The following LINGO2 variants were observed in gnomAD, a reference collection of about 807,000 sequenced individuals.
LINGO2 encodes the protein leucine-rich repeat and immunoglobulin-like domain-containing nogo receptor-interacting protein 2.
A neutral mutation model predicts 30.6 loss-of-function variants in LINGO2; 14 were observed. That is an observed-to-expected ratio of 0.46 (90% CI 0.30 to 0.72). The LOEUF (loss-of-function observed/expected upper bound fraction) is 0.72. Ranked by LOEUF, LINGO2 falls within the 30% of genes least tolerant of loss-of-function variation. The pLI, the probability that LINGO2 is intolerant of heterozygous loss-of-function variation, is 0.07. For missense variants in LINGO2, 729 were observed against 751.7 expected, an observed-to-expected ratio of 0.97 and a Z score of 0.35; for synonymous variants, 317 against 288.5, an observed-to-expected ratio of 1.10 and a Z score of -1.00.
chr9:28,282,409 T>C (rs1203365518), intron 4 of LINGO2, among the ~76,000 whole-genome samples: 9 of 147,456 alleles, frequency 6.1e-5, no homozygotes, highest in African/African-American at 1.6e-4. Flanking sequence ...TCTTTCAGGA[T>C]AGTTTTTTTT....
At chr9:28,555,700 C>T (rs1026264332) in intron 1 of LINGO2, among the ~76,000 whole-genome samples, 2 of 151,832 alleles carry the variant, frequency 1.3e-5, no homozygotes, top group Non-Finnish European at 1.5e-5. Flanking sequence ...ACCAAAAAAG[C>T]GAATTTTAGA....
chr9:28,574,196 T>C (rs1319017876), intron 1 of LINGO2, among the ~76,000 whole-genome samples: 1 of 152,190 alleles, frequency 6.6e-6, no homozygotes, highest in Non-Finnish European at 1.5e-5. Flanking sequence ...GAAAAATAGT[T>C]ACTAAGACTC....
chr9:28,062,558 A>G (rs1444241664), intron 4 of LINGO2, among the ~76,000 whole-genome samples: 1 of 146,620 alleles, frequency 6.8e-6, no homozygotes, highest in African/African-American at 2.5e-5. Flanking sequence ...TTGTATATAC[A>G]TATATAGTAT....
Position 27,964,198 on chromosome 9 carries a change from C to T in LINGO2, c.-35-13492G>A, listed in dbSNP as rs117184663. 0.018 allele frequency among the ~76,000 whole-genome samples: 2,662 copies of T among 152,056 alleles called. 126 individuals carry two copies. In the East Asian group the frequency reaches 0.19, roughly 11 times the overall value. On this transcript the variant is annotated intron_variant, in intron 5 of 5. Coordinates refer to ENST00000379992, the Ensembl canonical transcript of LINGO2. ...AACATTCAAGGGGAAATGGAAACAG[C>T]CAAAATGAAAGCCAGACTTGGAGAG...
chr9:28,515,278 C>T (rs2135380532), intron 1 of LINGO2, among the ~76,000 whole-genome samples: 1 of 150,180 alleles, frequency 6.7e-6, no homozygotes, highest in African/African-American at 2.5e-5. Flanking sequence ...GCAATCTCGG[C>T]TCACTGCAAG....
intron 4 of LINGO2, among the ~76,000 whole-genome samples, chr9:28,064,250 T>C (rs1246198146): frequency 6.6e-6 from 1 of 152,142 alleles, no homozygotes; most frequent in Admixed American, 6.6e-5. Context: ...TTCCTAGCTT[T>C]TAAGTGCCTT....
the LINGO2 span, among the ~76,000 whole-genome samples, chr9:28,790,663 G>A: frequency 9.2e-5 from 14 of 151,932 alleles, no homozygotes; most frequent in African/African-American, 3.4e-4. Context: ...GCACTGTATC[G>A]TCTCTCATCA....
At chr9:27,962,499 C>T (rs1819895691) in intron 5 of LINGO2, among the ~76,000 whole-genome samples, 1 of 152,102 alleles carries the variant, frequency 6.6e-6, no homozygotes, top group Non-Finnish European at 1.5e-5. Flanking sequence ...GATAAGCACC[C>T]CGGCAAGCCT....
At chr9:28,218,166 T>A (rs1820834127) in intron 4 of LINGO2, among the ~76,000 whole-genome samples, 1 of 141,476 alleles carries the variant, frequency 7.1e-6, no homozygotes, top group Non-Finnish European at 1.5e-5. Flanking sequence ...CAAATAATAC[T>A]AAATATAGTA....
At chr9:28,045,689 CAATT>C (rs1256037285) in intron 4 of LINGO2, among the ~76,000 whole-genome samples, 1 of 152,024 alleles carries the variant, frequency 6.6e-6, no homozygotes, top group African/African-American at 2.4e-5. Context: ...AAACACATTA[CAATT>C]AATAAGCAAT....
intron 1 of LINGO2, among the ~76,000 whole-genome samples, chr9:28,482,182 C>G (rs1301781240): frequency 6.6e-6 from 1 of 151,818 alleles, no homozygotes; most frequent in Non-Finnish European, 1.5e-5. Flanking sequence ...AGTTCTAGAT[C>G]CCTGAGGAAT....
chr9:28,213,867 A>G (rs931950400), intron 4 of LINGO2, among the ~76,000 whole-genome samples: 10 of 151,470 alleles, frequency 6.6e-5, no homozygotes, highest in African/African-American at 2.4e-4. Flanking sequence ...AAAAATGGCA[A>G]TCCTTTAGCT....
the LINGO2 span, among the ~76,000 whole-genome samples, chr9:29,147,399 T>A: frequency 6.6e-6 from 1 of 152,150 alleles, no homozygotes; most frequent in Non-Finnish European, 1.5e-5. Context: ...GTATATTTAT[T>A]AATCTCCAAG....
At chr9:28,974,257 G>C in the LINGO2 span, among the ~76,000 whole-genome samples, 1 of 151,814 alleles carries the variant, frequency 6.6e-6, no homozygotes, top group Non-Finnish European at 1.5e-5. Flanking sequence ...ATACAAAAAA[G>C]TAGCTGGGCG....
the LINGO2 span, among the ~76,000 whole-genome samples, chr9:28,799,676 C>T: frequency 2.0e-5 from 3 of 152,050 alleles, no homozygotes; most frequent in African/African-American, 7.2e-5. Flanking sequence ...AGATGTTCTG[C>T]ATTTATAAAG....
intron 4 of LINGO2, among the ~76,000 whole-genome samples, chr9:28,117,164 TC>T (rs1826932912): frequency 6.8e-6 from 1 of 147,832 alleles, no homozygotes; most frequent in Non-Finnish European, 1.5e-5. Context: ...GTTGGAATAC[TC>T]TGCCATGTGA....
chr9:28,341,067 A>G (rs1825750301), intron 3 of LINGO2, among the ~76,000 whole-genome samples: 1 of 152,132 alleles, frequency 6.6e-6, no homozygotes, highest in African/African-American at 2.4e-5. Flanking sequence ...TTTTCTTTAC[A>G]TACTGTTATC....
chr9:28,308,236 T>C (rs375045620), intron 3 of LINGO2, among the ~76,000 whole-genome samples: 13 of 126,268 alleles, frequency 1.0e-4, no homozygotes, highest in Admixed American at 1.6e-4. Flanking sequence ...AACAGAGATA[T>C]AGATCAATGG....
chr9:28,045,089 G>C (rs1824356242), intron 4 of LINGO2, among the ~76,000 whole-genome samples: 1 of 151,512 alleles, frequency 6.6e-6, no homozygotes, highest in Non-Finnish European at 1.5e-5. Context: ...TAATAGAAGA[G>C]GAAAAAATTG....
Sources: allele counts gnomAD v4.1 joint callset (sites outside exome capture counted in the v4.1 genomes callset), GRCh38; gene constraint gnomAD v4.1.1; transcripts MANE v1.5; gene names NCBI Gene and HGNC (gene_info 2026-07-23, HGNC 2026-07-21).